Variants in AGPS observed in about 807,000 individuals in gnomAD.
AGPS encodes the protein alkylglycerone phosphate synthase, also known as alkyldihydroxyacetonephosphate synthase, peroxisomal.
AGPS carries 26 observed loss-of-function variants against 90.7 expected under a neutral mutation model. The ratio of observed to expected loss-of-function variants is 0.29; its 90% CI spans 0.21 to 0.40. AGPS has a LOEUF of 0.40. Among genes scored for constraint, AGPS ranks in the 10% least tolerant of loss-of-function variants. The probability of loss-of-function intolerance (pLI) is 1.00; values close to 1 mark genes in which losing one functional copy is unlikely to be tolerated. For missense variants in AGPS, 540 were observed against 816.1 expected (o/e 0.66, Z 4.12); for synonymous variants, 294 against 285.3 (o/e 1.03, Z -0.31).
chr2:177,482,830 A>G (rs960291771), intron 11 of AGPS, among the ~76,000 whole-genome samples: 2 of 152,068 alleles, frequency 1.3e-5, no homozygotes, highest in Non-Finnish European at 2.9e-5. Context: ...AATTTTATTT[A>G]TGTATTTAGT....
chr2:177,413,169 G>T (rs531706825), intron 1 of AGPS, among the ~76,000 whole-genome samples: 20 of 152,158 alleles, frequency 1.3e-4, no homozygotes, highest in African/African-American at 4.6e-4. Context: ...CAACAATTAC[G>T]GTTTACAACA....
At chr2:177,461,275 T>C (rs971228401) in intron 8 of AGPS, among the ~76,000 whole-genome samples, 3 of 152,196 alleles carry the variant, frequency 2.0e-5, no homozygotes, top group African/African-American at 7.2e-5. Context: ...CAAGATAATA[T>C]AGAAAAATGA....
chr2:177,436,543 A>G (rs1205342778), intron 3 of AGPS, among the ~76,000 whole-genome samples: 1 of 152,158 alleles, frequency 6.6e-6, no homozygotes, highest in Non-Finnish European at 1.5e-5. Context: ...TGGAAGATTT[A>G]ATACTTTGCT....
At chr2:177,488,122 ATTAG>A (rs1196379090) in intron 11 of AGPS, among the ~76,000 whole-genome samples, 2 of 152,172 alleles carry the variant, frequency 1.3e-5, no homozygotes, top group African/African-American at 2.4e-5. Flanking sequence ...ACTCTGACTT[ATTAG>A]TTAGAAGAAG....
intron 19 of AGPS, among the ~76,000 whole-genome samples, chr2:177,533,648 TTA>T (rs2079157888): frequency 6.6e-6 from 1 of 152,236 alleles, no homozygotes; most frequent in African/African-American, 2.4e-5. Flanking sequence ...CTGTATTACA[TTA>T]TTACATTGTT....
chr2:177,482,020 C>T (rs1245185816), intron 10 of AGPS, 39 bp from the exon 11 acceptor site: 6 of 1,546,410 alleles, frequency 3.9e-6, no homozygotes, highest in African/African-American at 2.7e-5. Context: ...AGAAAATTGT[C>T]ATGTGATGTA....
intron 17 of AGPS, 47 bp from the exon 18 acceptor site, chr2:177,521,222 A>G: frequency 6.7e-7 from 1 of 1,500,582 alleles, no homozygotes; most frequent in Non-Finnish European, 9.3e-7. Flanking sequence ...GTTAAATCTG[A>G]TTTCACTTAA....
In AGPS at chr2:177,424,771, C is replaced by T. The variant is rs115335558; in HGVS notation, c.350+4413C>T. On this transcript the variant is annotated intron_variant, in intron 2 of 19. Transcript: ENST00000264167. ...TGTTGTTTCTGGACTTTTTAATAATCGCCATTCTGACGTGAGGTGGTATCT... is the reference window on the plus strand; with the variant it reads ...TGTTGTTTCTGGACTTTTTAATAATTGCCATTCTGACGTGAGGTGGTATCT... 6.6e-3 allele frequency among the ~76,000 whole-genome samples: 998 copies of T among 152,186 alleles called. 9 individuals are homozygous for T. The highest frequency in any genetic ancestry group is 0.023 in the African/African-American group (950 of 41,512).
chr2:177,440,351 A>T (rs1441437255), intron 5 of AGPS, among the ~76,000 whole-genome samples: 1 of 152,130 alleles, frequency 6.6e-6, no homozygotes, highest in East Asian at 1.9e-4. Context: ...GTGCCTCTAG[A>T]TGTAATGCAC....
intron 1 of AGPS, among the ~76,000 whole-genome samples, chr2:177,403,425 T>G (rs1201623017): frequency 2.0e-5 from 3 of 152,224 alleles, no homozygotes; most frequent in African/African-American, 7.2e-5. Flanking sequence ...TAGGAAAATC[T>G]GGGCAATGTA....
intron 11 of AGPS, among the ~76,000 whole-genome samples, chr2:177,486,938 A>G (rs1688111642): frequency 2.6e-5 from 4 of 151,898 alleles, no homozygotes; most frequent in Admixed American, 2.6e-4. Flanking sequence ...GCAGTCCAGT[A>G]TAATCTCCTC....
chr2:177,462,403 A>AG (rs1308002600), intron 9 of AGPS, among the ~76,000 whole-genome samples: 2 of 150,236 alleles, frequency 1.3e-5, no homozygotes, highest in Non-Finnish European at 3.0e-5. Context: ...AAAAAAAAAA[A>AG]AAGAAAAAAG....
chr2:177,402,352 G>A (rs976725613), intron 1 of AGPS, among the ~76,000 whole-genome samples: 5 of 152,148 alleles, frequency 3.3e-5, no homozygotes, highest in African/African-American at 1.2e-4. Flanking sequence ...TGGTGCAGCT[G>A]GACTCAATTC....
chr2:177,472,598 T>C (rs1481678864), intron 10 of AGPS, among the ~76,000 whole-genome samples: 1 of 152,144 alleles, frequency 6.6e-6, no homozygotes, highest in Non-Finnish European at 1.5e-5. Flanking sequence ...TTTGTAGTTG[T>C]TTTGTTTACA....
At chr2:177,479,471 T>G in intron 10 of AGPS, among the ~76,000 whole-genome samples, 1 of 152,186 alleles carries the variant, frequency 6.6e-6, no homozygotes, top group East Asian at 1.9e-4. Context: ...AAATTGTACA[T>G]GTATGTTAAT....
At chr2:177,486,403 C>G (rs1688093472) in intron 11 of AGPS, among the ~76,000 whole-genome samples, 1 of 152,084 alleles carries the variant, frequency 6.6e-6, no homozygotes, top group African/African-American at 2.4e-5. Context: ...TATTTGCTGC[C>G]TTCCTTTGTA....
chr2:177,464,392 TAAAG>T (rs1426887530), intron 9 of AGPS, among the ~76,000 whole-genome samples: 1 of 152,330 alleles, frequency 6.6e-6, no homozygotes, highest in East Asian at 1.9e-4. Context: ...GTGAAAAAAT[TAAAG>T]AACGTGTTAA....
chr2:177,509,405 G>A (rs755876940), intron 16 of AGPS, among the ~76,000 whole-genome samples: 14 of 152,112 alleles, frequency 9.2e-5, no homozygotes, highest in South Asian at 4.1e-4. Flanking sequence ...GGTGGCTCAC[G>A]CCTATAATCC....
chr2:177,491,855 C>T lies in AGPS; in HGVS notation c.1234-1293C>T, dbSNP rs187036823. On this transcript the variant is annotated intron_variant, in intron 11 of 19. Coordinates refer to ENST00000264167, the MANE Select transcript of AGPS (RefSeq NM_003659.4). ...GGCTGGAGTGCAGTGGCACAATCTT[C>T]GCTCACTGCAAACTCTGCTTCCCAG... Among the ~76,000 whole-genome samples, 12 of 141,036 alleles carry T rather than the reference C, an allele frequency of 8.5e-5. No homozygotes were observed. In the East Asian group the frequency reaches 2.2e-3, roughly 26 times the overall value. 92.5% of individuals were successfully genotyped at this position (141,036 alleles called of 152,430 possible).
Sources: gnomAD v4.1 joint callset for allele counts (sites outside exome capture counted in the v4.1 genomes callset) on GRCh38, gnomAD v4.1.1 for gene constraint, MANE v1.5 for transcripts, NCBI Gene and HGNC (gene_info 2026-07-23, HGNC 2026-07-21) for gene names.